Variants in TSPAN11 observed in about 807,000 individuals in gnomAD.
The protein encoded by TSPAN11 is tetraspanin-11.
A neutral mutation model predicts 32.9 loss-of-function variants in TSPAN11; 29 were observed. That is an observed-to-expected ratio of 0.88 (90% CI 0.66 to 1.20). TSPAN11 has a LOEUF of 1.20. Among genes scored for constraint, TSPAN11 ranks in the 50% most tolerant of loss-of-function variants. The pLI is 0.00. For missense variants in TSPAN11, 283 were observed against 329.1 expected (o/e 0.86, Z 1.08); for synonymous variants, 140 against 141.3 (o/e 0.99, Z 0.07).
At chr12:31,004,256 C>T in the TSPAN11 span, among the ~76,000 whole-genome samples, 3 of 152,192 alleles carry the variant, frequency 2.0e-5, no homozygotes, top group Non-Finnish European at 4.4e-5. Flanking sequence ...CATTGAATAC[C>T]TGACCCTGCC....
At position 30,995,717 on chromosome 12, in the gene TSPAN11, GT is replaced by G. The variant is rs1486669825; in HGVS notation, c.*3803del. On this transcript the variant is annotated 3_prime_UTR_variant, in exon 8 of 8. Transcript: ENST00000546076. ...CGGGCTCACATCCACTGAGGGTATA[GT>G]GACCAAGCGTCTAAACCAGTCGTTC... is the stretch of plus-strand genomic sequence containing the variant. 2.0e-5 allele frequency: 3 copies of G among 152,224 alleles called. No individual in the cohort carries two copies. Among genetic ancestry groups the G allele is most frequent in the Non-Finnish European group, 2.9e-5 (2 of 68,062 alleles). The allele number at this position is 152,224 out of a possible 1,614,324, so 9.4% of individuals were successfully genotyped here. A position where few individuals can be genotyped will look rare whatever the true frequency, so the allele number is the denominator to read the frequency against.
intron 6 of TSPAN11, 90 bp downstream of exon 6, chr12:30,982,780 G>A (rs1014963565): frequency 6.8e-7 from 1 of 1,476,614 alleles, no homozygotes; most frequent in Admixed American, 2.2e-5. Flanking sequence ...GCAGGTGGGT[G>A]TGGGAAAAGC....
chr12:30,934,358 G>A (rs1175933404), intron 1 of TSPAN11, among the ~76,000 whole-genome samples: 1 of 152,188 alleles, frequency 6.6e-6, no homozygotes, highest in Non-Finnish European at 1.5e-5. Flanking sequence ...GCTCCAAAAA[G>A]TCCATCCAGG....
the TSPAN11 span, among the ~76,000 whole-genome samples, chr12:31,013,353 G>C: frequency 1.3e-5 from 2 of 152,034 alleles, no homozygotes; most frequent in African/African-American, 4.8e-5. Context: ...CAGAAGTTTG[G>C]GAGGCCATGG....
chr12:31,013,590 AAAAACAAAAC>A, the TSPAN11 span, among the ~76,000 whole-genome samples: 7 of 147,228 alleles, frequency 4.8e-5, no homozygotes, highest in Admixed American at 1.4e-4. Context: ...TCCTGTCTCA[AAAAACAAAAC>A]AAAACAAAAC....
chr12:30,992,155 T>C lies in TSPAN11; in HGVS notation c.*240T>C, dbSNP rs892268451. 8.5e-6 allele frequency: 5 copies of C among 585,872 alleles called. No homozygotes were observed. Among genetic ancestry groups the C allele is most frequent in the Non-Finnish European group, 1.2e-5 (4 of 327,858 alleles). 36.3% of individuals were successfully genotyped at this position (585,872 alleles called of 1,614,324 possible). A position where few individuals can be genotyped will look rare whatever the true frequency, so the allele number is the denominator to read the frequency against. On this transcript the variant is annotated 3_prime_UTR_variant, in exon 8 of 8. Coordinates refer to ENST00000546076, the MANE Select transcript of TSPAN11 (RefSeq NM_001370302.1). ...CATGGCCAGATCCTGGGCAGGGAAATGATCCTTTCAGGAGACAACCAGAGC... is the reference window on the plus strand; with the variant it reads ...CATGGCCAGATCCTGGGCAGGGAAACGATCCTTTCAGGAGACAACCAGAGC...
At chr12:30,947,900 C>T (rs957028536) in intron 1 of TSPAN11, among the ~76,000 whole-genome samples, 2 of 152,186 alleles carry the variant, frequency 1.3e-5, no homozygotes, top group South Asian at 2.1e-4. Flanking sequence ...AAGGCAAGTC[C>T]CTTCCGCCTA....
At chr12:31,008,512 G>A in the TSPAN11 span, among the ~76,000 whole-genome samples, 1 of 152,318 alleles carries the variant, frequency 6.6e-6, no homozygotes, top group East Asian at 1.9e-4. Flanking sequence ...TGGTAGTGGA[G>A]AGAGGTGAGG....
chr12:30,932,572 AT>A (rs1381188871), intron 1 of TSPAN11, among the ~76,000 whole-genome samples: 2 of 152,182 alleles, frequency 1.3e-5, no homozygotes, highest in Admixed American at 1.3e-4. Context: ...AGAGTTGATA[AT>A]TCAGGACTTG....
At chr12:30,983,495 T>C (rs1939139132) in intron 7 of TSPAN11, among the ~76,000 whole-genome samples, 1 of 152,162 alleles carries the variant, frequency 6.6e-6, no homozygotes, top group South Asian at 2.1e-4. Context: ...GTCTGCATGC[T>C]TCTGGGTCCA....
chr12:30,940,636 T>C (rs1178262984), intron 1 of TSPAN11, among the ~76,000 whole-genome samples: 1 of 152,156 alleles, frequency 6.6e-6, no homozygotes, highest in East Asian at 1.9e-4. Context: ...TCCACATAAT[T>C]ATGTGCAGGT....
chr12:30,984,940 G>T (rs934164204), intron 7 of TSPAN11, among the ~76,000 whole-genome samples: 1 of 152,130 alleles, frequency 6.6e-6, no homozygotes, highest in Admixed American at 6.5e-5. Flanking sequence ...CAGCACCCAG[G>T]TCTCCTGGCT....
chr12:30,987,597 C>T (rs1283997693), intron 7 of TSPAN11, among the ~76,000 whole-genome samples: 6 of 151,858 alleles, frequency 4.0e-5, no homozygotes, highest in South Asian at 2.1e-4. Flanking sequence ...AGTGAGACTC[C>T]GTCTCAAAGA....
intron 2 of TSPAN11, among the ~76,000 whole-genome samples, chr12:30,962,402 T>C (rs1757666498): frequency 6.6e-6 from 1 of 152,208 alleles, no homozygotes; most frequent in African/African-American, 2.4e-5. Flanking sequence ...ATTCTAAAAC[T>C]CATGGTGTAA....
intron 7 of TSPAN11, chr12:30,988,658 G>A (rs982859797): frequency 2.0e-5 from 3 of 152,120 alleles, no homozygotes; most frequent in African/African-American, 7.2e-5. Flanking sequence ...GGCTTGGATT[G>A]TCTGGAGTGG....
At chr12:31,009,535 GA>G in the TSPAN11 span, among the ~76,000 whole-genome samples, 36 of 152,190 alleles carry the variant, frequency 2.4e-4, no homozygotes, top group African/African-American at 8.4e-4. Flanking sequence ...TGTGAGCCAT[GA>G]AGGAGGGAAG....
chr12:30,979,445 T>G, intron 4 of TSPAN11, 121 bp from the exon 5 acceptor site: 1 of 877,118 alleles, frequency 1.1e-6, no homozygotes, highest in Non-Finnish European at 1.9e-6. Flanking sequence ...AACCTCCGCA[T>G]CACACCATCC....
rs140619430 is a variant in TSPAN11, at chr12:30,991,916, T to C, written c.*1T>C. 24 of 1,614,046 alleles carry C rather than the reference T, an allele frequency of 1.5e-5. No homozygotes were observed. The African/African-American group carries it at 2.8e-4, about 19-fold the overall frequency. The stretch of plus-strand genomic sequence containing the variant: ...GAGGCTCCAGCGGCATTTTTACTAA[T>C]GGCCAACCACCTCCTCTTCCAACTG... On this transcript the variant is annotated 3_prime_UTR_variant, in exon 8 of 8. Transcript: ENST00000546076.
chr12:30,996,707 G>A (rs753048723), downstream of TSPAN11: 2 of 152,094 alleles, frequency 1.3e-5, no homozygotes, highest in Non-Finnish European at 2.9e-5. Flanking sequence ...TGTTAGCCAC[G>A]GCTCCCCTAT....
Sources: allele counts gnomAD v4.1 joint callset (sites outside exome capture counted in the v4.1 genomes callset), GRCh38; gene constraint gnomAD v4.1.1; transcripts MANE v1.5; gene names NCBI Gene and HGNC (gene_info 2026-07-23, HGNC 2026-07-21).